The following NUP98 variants were observed in gnomAD, a reference collection of about 807,000 sequenced individuals.
NUP98 encodes nucleoporin 98 and 96 precursor.
NUP98 carries 26 observed loss-of-function variants against 191.9 expected under a neutral mutation model. That is an observed-to-expected ratio of 0.14 (90% confidence interval 0.10 to 0.19). NUP98 has a LOEUF of 0.19. NUP98 is among the 10% of genes least tolerant of loss of function. The pLI is 1.00. For synonymous variants in NUP98, 808 were observed against 778.4 expected (o/e 1.04, Z -0.63); for missense variants, 1,941 against 2,178.8 (o/e 0.89, Z 2.17).
intron 7 of NUP98, 110 bp downstream of exon 7, chr11:3,771,638 C>T (rs1365120960): frequency 3.4e-6 from 3 of 879,446 alleles, no homozygotes; most frequent in East Asian, 5.2e-5. Context: ...CCTATGGTAT[C>T]CCTGAATTAT....
intron 31 of NUP98, 63 bp from the exon 32 acceptor site, chr11:3,676,683 T>C (rs377322930): frequency 9.6e-5 from 118 of 1,234,990 alleles, no homozygotes; most frequent in East Asian, 6.0e-4. Context: ...ATCCCACCTA[T>C]AGACTCTACA....
rs1242070392 is a variant in NUP98 at position 3,676,427 on chromosome 11, T to C, written c.5186-51A>G. 4 of 1,604,768 alleles carry C rather than the reference T, an allele frequency of 2.5e-6. No individual in the cohort carries two copies. In the Admixed American group the frequency reaches 6.7e-5, roughly 27 times the overall value. The stretch of plus-strand genomic sequence containing the variant: ...ACTGAGCATGGGGTCTGGAGAAGGG[T>C]GGTAGGCACTGAGGGTGGGGTGTAA... On this transcript the variant is annotated intron_variant, in intron 32 of 32. Coordinates refer to ENST00000324932, the MANE Select transcript of NUP98 (RefSeq NM_016320.5).
intron 16 of NUP98, among the ~76,000 whole-genome samples, chr11:3,722,021 A>G (rs1162768796): frequency 6.6e-6 from 1 of 152,102 alleles, no homozygotes; most frequent in African/African-American, 2.4e-5. Context: ...CTAGAATATA[A>G]AACTTCCTAT....
intron 1 of NUP98, among the ~76,000 whole-genome samples, chr11:3,782,703 T>A (rs1330525549): frequency 3.2e-5 from 4 of 124,968 alleles, no homozygotes; most frequent in Non-Finnish European, 6.4e-5. Context: ...TCACCATGCC[T>A]GTCTAATTAT....
chr11:3,750,723 G>A (rs1467439031), intron 11 of NUP98, among the ~76,000 whole-genome samples: 1 of 151,780 alleles, frequency 6.6e-6, no homozygotes, highest in Non-Finnish European at 1.5e-5. Flanking sequence ...TACCTCCCAG[G>A]CTGAAGCGAT....
chr11:3,766,099 G>C (rs117526945), intron 8 of NUP98, among the ~76,000 whole-genome samples: 7,718 of 152,238 alleles, frequency 0.051, 257 homozygotes, highest in Middle Eastern at 0.099. Context: ...GTAAAGCCAG[G>C]TACAGCTGCT....
At chr11:3,753,516 G>T in intron 10 of NUP98, 108 bp from the exon 11 acceptor site, 1 of 795,710 alleles carries the variant, frequency 1.3e-6, no homozygotes. Flanking sequence ...GAACCTTTCA[G>T]TTAATATTTA....
rs554326382 is a variant in NUP98 at position 3,691,484 on chromosome 11, G to C, written c.4317C>G (p.Thr1439=). ...LSMYEEAFQN[T]SDSDRYACSP... ...AGCAGGCATATCTGTCACTGTCAGA[G>C]GTATTCTGAAGGAATAATTTGATAA... is the stretch of plus-strand genomic sequence containing the variant. The change falls in exon 28 of 33, where the codon ACC becomes ACG. Residue 1439 remains threonine, a synonymous_variant. Transcript: ENST00000324932. The C allele has an allele frequency of 2.5e-6, 4 of 1,613,968 alleles. No homozygotes were observed. In the East Asian group the frequency reaches 6.7e-5, roughly 27 times the overall value.
intron 10 of NUP98, among the ~76,000 whole-genome samples, chr11:3,755,902 G>A (rs1158977981): frequency 6.6e-6 from 1 of 151,142 alleles, no homozygotes; most frequent in African/African-American, 2.4e-5. Flanking sequence ...GGCGAAGGTT[G>A]CAGTGAGCCA....
chr11:3,725,085 A>G lies in NUP98; in HGVS notation c.1847+18T>C, dbSNP rs767913389. The G allele has an allele frequency of 8.8e-7, 1 of 1,136,262 alleles. No individual in the cohort carries two copies. Among genetic ancestry groups the G allele is most frequent in the Non-Finnish European group, 1.3e-6 (1 of 754,748 alleles). The allele number at this position is 1,136,262 out of a possible 1,614,324, so 70.4% of individuals were successfully genotyped here. A position where few individuals can be genotyped will look rare whatever the true frequency, so the allele number is the denominator to read the frequency against. On this transcript the variant is annotated intron_variant, in intron 15 of 32. Transcript: ENST00000324932. Reference sequence around the variant, plus strand: ...ATAACTCTCTACTAAGAAGAACTCAAAACAGAATTCAGTGTACCTCTCTCC... The same window carrying G: ...ATAACTCTCTACTAAGAAGAACTCAGAACAGAATTCAGTGTACCTCTCTCC...
In NUP98 at chr11:3,771,791, A is replaced by G. The variant is rs1173022341; in HGVS notation, c.741T>C (p.Asn247=). Residue 247 remains asparagine (N), a synonymous_variant, in exon 7 of 33, where the codon AAT becomes AAC. Transcript: ENST00000324932. ...ATGLFSSSTT[N]SGFAYGQNKT... The stretch of plus-strand genomic sequence containing the variant: ...TGTTCTGACCATATGCAAAGCCTGA[A>G]TTAGTGGTGGAGGAGCTGAAGAGTC... 2 of 1,614,206 alleles carry G rather than the reference A, an allele frequency of 1.2e-6. No homozygotes were observed. The highest frequency in any genetic ancestry group is 2.7e-5 in the African/African-American group (2 of 75,056).
intron 15 of NUP98, 32 bp downstream of exon 15, chr11:3,725,071 C>G (rs1284276432): frequency 1.7e-5 from 17 of 974,482 alleles, no homozygotes; most frequent in Non-Finnish European, 2.8e-5. Context: ...TAACTCTCTA[C>G]TAAGAAGAAC....
chr11:3,741,139 G>A (rs1451863139), intron 12 of NUP98, among the ~76,000 whole-genome samples: 1 of 151,426 alleles, frequency 6.6e-6, no homozygotes, highest in African/African-American at 2.4e-5. Context: ...AATCTTAAAT[G>A]GGAATGAAAA....
chr11:3,785,707 T>C (rs2082120630), intron 1 of NUP98, among the ~76,000 whole-genome samples: 1 of 152,182 alleles, frequency 6.6e-6, no homozygotes, highest in African/African-American at 2.4e-5. Context: ...TGCAGTTAGT[T>C]GAGATCGTGC....
intron 29 of NUP98, among the ~76,000 whole-genome samples, chr11:3,684,088 T>C (rs2078064048): frequency 6.6e-6 from 1 of 151,932 alleles, no homozygotes; most frequent in Admixed American, 6.6e-5. Flanking sequence ...GGCAGGCGTC[T>C]GTAATCCCAG....
At position 3,725,165 on chromosome 11, in the gene NUP98, A is replaced by G; in HGVS notation, c.1785T>C (p.Ser595=). 6.2e-7 allele frequency: 1 copy of G among 1,603,060 alleles called. No homozygotes were observed. Among genetic ancestry groups the G allele is most frequent in the Non-Finnish European group, 8.5e-7 (1 of 1,171,090 alleles). The change falls in exon 15 of 33, where the codon TCT becomes TCC. Residue 595 remains serine (S), a synonymous_variant. Coordinates refer to ENST00000324932, the MANE Select transcript of NUP98 (RefSeq NM_016320.5). ...LKNLNNSNLF[S]PVNRDSENLA... ...GATTTTCTGAATCACGATTAACAGG[A>G]GAAAAGAGATTGCTATTATTAAGGT...
chr11:3,715,014 C>G (rs984628519), intron 18 of NUP98: 3 of 152,178 alleles, frequency 2.0e-5, no homozygotes, highest in Admixed American at 6.5e-5. Flanking sequence ...AGAAGTGGAG[C>G]TGCTGGATCA....
At chr11:3,695,747 A>T in intron 25 of NUP98, 141 bp from the exon 26 acceptor site, 1 of 584,020 alleles carries the variant, frequency 1.7e-6, no homozygotes, top group Non-Finnish European at 2.7e-6. Flanking sequence ...GTAGTGCCAA[A>T]ATATTGATCA....
intron 1 of NUP98, among the ~76,000 whole-genome samples, chr11:3,794,248 C>T (rs979218770): frequency 3.9e-5 from 6 of 152,160 alleles, no homozygotes; most frequent in Non-Finnish European, 8.8e-5. Flanking sequence ...CGGTCAATTT[C>T]AAACAAAAAG....
Sources: gnomAD v4.1 joint callset for allele counts (sites outside exome capture counted in the v4.1 genomes callset) on GRCh38, gnomAD v4.1.1 for gene constraint, MANE v1.5 for transcripts, NCBI Gene and HGNC (gene_info 2026-07-23, HGNC 2026-07-21) for gene names.